CHRNA10: variants seen among roughly 807,000 people sequenced by gnomAD.
CHRNA10 encodes the protein cholinergic receptor nicotinic alpha 10 subunit, also known as neuronal acetylcholine receptor subunit alpha-10.
A neutral mutation model predicts 36.0 loss-of-function variants in CHRNA10; 31 were observed. The observed-to-expected ratio is 0.86, with a 90% CI of 0.65 to 1.16. The LOEUF (loss-of-function observed/expected upper bound fraction) is 1.16. CHRNA10 is among the 50% of genes most tolerant of loss of function. CHRNA10 has a pLI of 0.00. For synonymous variants in CHRNA10, 302 were observed against 287.0 expected, an observed-to-expected ratio of 1.05 and a Z score of -0.53; for missense variants, 648 against 640.9, an observed-to-expected ratio of 1.01 and a Z score of -0.12.
intron 1 of CHRNA10, 77 bp downstream of exon 1, chr11:3,671,175 C>T: frequency 1.4e-6 from 2 of 1,415,732 alleles, no homozygotes; most frequent in Non-Finnish European, 2.0e-6. Flanking sequence ...AGAGAGACTA[C>T]ATGGAAAGGG....
At chr11:3,669,171 G>A in intron 3 of CHRNA10, 25 bp downstream of exon 3, 1 of 1,603,480 alleles carries the variant, frequency 6.2e-7, no homozygotes, top group Non-Finnish European at 8.5e-7. Context: ...GGGTAAGAGA[G>A]AGGAGGGGCC....
chr11:3,667,844 C>A (rs2077680684), intron 3 of CHRNA10, 80 bp from the exon 4 acceptor site: 1 of 1,279,868 alleles, frequency 7.8e-7, no homozygotes, highest in South Asian at 1.6e-5. Flanking sequence ...CAGGGCAGAC[C>A]CCCAGGGGCT....
Position 3,669,212 on chromosome 11 carries a change from T to A in CHRNA10, c.346A>T (p.Ile116Phe). The stretch of plus-strand genomic sequence containing the variant: ...AGGCAGTACTTGTTATAGAGTACGA[T>A]GTCTGGCCGCCACACAAGACTGCTG... Reference protein sequence around the residue: ...IPSSLVWRPDIVLYNKADAQP... With the variant: ...IPSSLVWRPDFVLYNKADAQP... The change falls in exon 3 of 5, where the codon ATC becomes TTC. Residue 116 changes from isoleucine to phenylalanine, a missense_variant. Ile to Phe is a conservative substitution (Grantham distance 21, BLOSUM62 0). Coordinates refer to ENST00000250699, the MANE Select transcript of CHRNA10 (RefSeq NM_020402.4). 1.2e-6 allele frequency: 2 copies of A among 1,613,602 alleles called. No homozygotes were observed. The highest frequency in any genetic ancestry group is 2.7e-5 in the African/African-American group (2 of 75,004).
In CHRNA10 at chr11:3,669,472, G is replaced by C; in HGVS notation, c.208-122C>G. 11 of 1,256,322 alleles carry C rather than the reference G, an allele frequency of 8.8e-6. No individual in the cohort carries two copies. The South Asian group carries it at 1.5e-4, about 17-fold the overall frequency. 77.8% of individuals were successfully genotyped at this position (1,256,322 alleles called of 1,614,324 possible). A position where few individuals can be genotyped will look rare whatever the true frequency, so the allele number is the denominator to read the frequency against. ...AAACCTGACTTGTCCATACCGTCCA[G>C]TTCCCACCCAGACCTGACCTTGCCA... On this transcript the variant is annotated intron_variant, in intron 2 of 4. Coordinates refer to ENST00000250699, the MANE Select transcript of CHRNA10 (RefSeq NM_020402.4).
chr11:3,667,399 AG>A lies in CHRNA10; in HGVS notation c.727del (p.Leu243CysfsTer64). 1 of 1,601,264 alleles carries A rather than the reference AG, an allele frequency of 6.2e-7. No homozygotes were observed. On this transcript the variant is annotated frameshift_variant, in exon 4 of 5. Transcript: ENST00000250699. LOFTEE classifies it high-confidence loss of function. ...CGAGATGAGCACGCAGGGCAGCAGC[AG>A]GTTGCACACGTAGGCGGCGGCGCGG... is the stretch of plus-strand genomic sequence containing the variant. ...RRRAAAYVCN[L>X]LLPCVLISLL...
Position 3,669,892 on chromosome 11 carries a change from GAGGT to G in CHRNA10, c.107_110del (p.Asp36AlafsTer9). 6.2e-7 allele frequency: 1 copy of G among 1,614,176 alleles called. No homozygotes were observed. Among genetic ancestry groups the G allele is most frequent in the Non-Finnish European group, 8.5e-7 (1 of 1,180,022 alleles). ...TCAGGGCACTTGTGTAGTTGGCAAA[GAGGT>G]CACGGAACAGCTTGAGAGCCAGCCG... On this transcript the variant is annotated frameshift_variant, in exon 2 of 5. Transcript: ENST00000250699. LOFTEE classifies it high-confidence loss of function.
At chr11:3,666,966 G>A (rs552990448) in intron 4 of CHRNA10, among the ~76,000 whole-genome samples, 8 of 152,334 alleles carry the variant, frequency 5.3e-5, no homozygotes, top group Middle Eastern at 3.4e-3. Flanking sequence ...GGGAGTGCCT[G>A]GCACACAGCA....
At chr11:3,669,963 T>G (rs372220271) in intron 1 of CHRNA10, 22 bp from the exon 2 acceptor site, 2 of 1,613,684 alleles carry the variant, frequency 1.2e-6, no homozygotes, top group Non-Finnish European at 8.5e-7. Flanking sequence ...GTAAGGAGGG[T>G]TGTCCATCCC....
chr11:3,669,832 C>T lies in CHRNA10; in HGVS notation c.171G>A (p.Val57=), dbSNP rs765060833. The T allele has an allele frequency of 6.2e-7, 1 of 1,614,154 alleles. No individual in the cohort carries two copies. Among genetic ancestry groups the T allele is most frequent in the Admixed American group, 1.7e-5 (1 of 60,016 alleles). The change falls in exon 2 of 5, where the codon GTG becomes GTA. Residue 57 remains valine (V), a synonymous_variant. Transcript: ENST00000250699. ...TCTGGGACAGTGTCACCTCCAGGGT[C>T]ACATTCAGAGTCTGGTCTGTGTCTG... The part of the protein sequence containing the change: ...PVADTDQTLN[V]TLEVTLSQII...
At chr11:3,671,048 C>T (rs2077709898) in intron 1 of CHRNA10, 11 of 598,852 alleles carry the variant, frequency 1.8e-5, no homozygotes, top group Non-Finnish European at 2.7e-5. Context: ...GGAAGCTCCC[C>T]GCTCACTGTT....
chr11:3,670,795 G>A (rs1052533105), intron 1 of CHRNA10, among the ~76,000 whole-genome samples: 2 of 152,136 alleles, frequency 1.3e-5, no homozygotes, highest in African/African-American at 2.4e-5. Context: ...GCGAAACATC[G>A]TCTTGAGTCT....
At chr11:3,667,868 A>G in intron 3 of CHRNA10, 104 bp from the exon 4 acceptor site, 1 of 996,194 alleles carries the variant, frequency 1.0e-6, no homozygotes, top group Non-Finnish European at 1.4e-6. Context: ...AGAAACCAAA[A>G]CTTCTCCCCA....
chr11:3,669,037 G>A, intron 3 of CHRNA10, 159 bp downstream of exon 3: 1 of 730,054 alleles, frequency 1.4e-6, no homozygotes, highest in East Asian at 2.8e-5. Context: ...TGCCATGGAG[G>A]GGCTGAGTGC....
rs1475398888 is a variant in CHRNA10, at chr11:3,667,721, G to A, written c.406C>T (p.Leu136=). ...PPGSASTNVV[L]RHDGAVRWDA... The stretch of plus-strand genomic sequence containing the variant: ...CAGCGCACGGCGCCATCGTGGCGCA[G>A]GACCACGTTGGTGCTGGCGGAACCT... The change falls in exon 4 of 5, where the codon CTG becomes TTG. Residue 136 remains leucine (L), a synonymous_variant. Transcript: ENST00000250699. The A allele has an allele frequency of 6.4e-7, 1 of 1,571,800 alleles. No homozygotes were observed. The highest frequency in any genetic ancestry group is 8.6e-7 in the Non-Finnish European group (1 of 1,166,432).
Position 3,669,378 on chromosome 11 carries a change from G to A in CHRNA10, c.208-28C>T, listed in dbSNP as rs1337540246. ...AGTGGGGGCAGGGAATGGCAGAGAT[G>A]TGGACATGTATATGCATATCCTGCC... On this transcript the variant is annotated intron_variant, in intron 2 of 4. Coordinates refer to ENST00000250699, the MANE Select transcript of CHRNA10 (RefSeq NM_020402.4). 2.5e-6 allele frequency: 4 copies of A among 1,608,132 alleles called. No homozygotes were observed. In the African/African-American group the frequency reaches 5.3e-5, roughly 21 times the overall value.
In CHRNA10 at chr11:3,665,890, T is replaced by G. The variant is rs996968942; in HGVS notation, c.*217A>C. The G allele has an allele frequency of 2.1e-6, 1 of 481,426 alleles. No homozygotes were observed. Among genetic ancestry groups the G allele is most frequent in the Admixed American group, 3.8e-5 (1 of 26,458 alleles). The allele number at this position is 481,426 out of a possible 1,614,324, so 29.8% of individuals were successfully genotyped here. ...CTTGGCCTTTGTAGAGTTCCTCTTT[T>G]TTTTGGAATTAGGGGAGTGGCAGGC... is the stretch of plus-strand genomic sequence containing the variant. On this transcript the variant is annotated 3_prime_UTR_variant, in exon 5 of 5. Coordinates refer to ENST00000250699, the MANE Select transcript of CHRNA10 (RefSeq NM_020402.4).
Position 3,667,458 on chromosome 11 carries a change from G to T in CHRNA10, c.669C>A (p.Tyr223Ter), listed in dbSNP as rs896866390. The change falls in exon 4 of 5, where the codon TAC (tyrosine) becomes TAA (stop). Residue 223 changes from tyrosine (Y) to a stop codon, truncating the protein, a stop_gained. Transcript: ENST00000250699. LOFTEE classifies it high-confidence loss of function. Reference protein sequence around the residue: ...VLTYGCCSEPYPDVTFTLLLR... With the variant: ...VLTYGCCSEP ...GCAGCAGCGTGAAGGTGACGTCGGG[G>T]TAGGGCTCGGAGCAGCAGCCGTAGG... is the stretch of plus-strand genomic sequence containing the variant. 8.8e-6 allele frequency: 14 copies of T among 1,594,120 alleles called. No individual in the cohort carries two copies. Among genetic ancestry groups the T allele is most frequent in the Non-Finnish European group, 1.1e-5 (13 of 1,175,990 alleles).
rs1032692473 is a variant in CHRNA10 at position 3,667,582 on chromosome 11, A to C, written c.545T>G (p.Leu182Arg). 2.6e-6 allele frequency: 4 copies of C among 1,556,802 alleles called. No homozygotes were observed. Among genetic ancestry groups the C allele is most frequent in the Non-Finnish European group, 2.6e-6 (3 of 1,156,266 alleles). ...FGSWTHGGHQLDVRPRGAAAS... is the reference protein window; with the variant it reads ...FGSWTHGGHQRDVRPRGAAAS... ...TGCAGCGCCGCGCGGCCGCACATCC[A>C]GTTGGTGCCCGCCGTGAGTCCAGGA... Residue 182 changes from leucine (L) to arginine (R), a missense_variant, in exon 4 of 5, where the codon CTG becomes CGG. Leu to Arg is a moderately radical substitution (Grantham distance 102, BLOSUM62 -2). Coordinates refer to ENST00000250699, the MANE Select transcript of CHRNA10 (RefSeq NM_020402.4).
At chr11:3,667,209 C>G (rs762488072) in intron 4 of CHRNA10, 23 bp downstream of exon 4, 2 of 1,532,918 alleles carry the variant, frequency 1.3e-6, no homozygotes, top group East Asian at 2.4e-5. Context: ...ATCGTCAGGT[C>G]CCCCCGCGCC....
Sources: gnomAD v4.1 joint callset for allele counts (sites outside exome capture counted in the v4.1 genomes callset) on GRCh38, gnomAD v4.1.1 for gene constraint, MANE v1.5 for transcripts, NCBI Gene and HGNC (gene_info 2026-07-23, HGNC 2026-07-21) for gene names.